Variants in ARHGAP39 observed in about 807,000 individuals in gnomAD.
ARHGAP39 encodes Rho GTPase activating protein 39, also known as rho GTPase-activating protein 39.
ARHGAP39 carries 44 observed loss-of-function variants against 106.9 expected under a neutral mutation model. The observed-to-expected ratio is 0.41, with a 90% CI of 0.32 to 0.53. ARHGAP39 has a LOEUF of 0.53. Among genes scored for constraint, ARHGAP39 ranks in the 20% least tolerant of loss-of-function variants. The pLI, the probability that ARHGAP39 is intolerant of heterozygous loss-of-function variation, is 0.21. For synonymous variants in ARHGAP39, 768 were observed against 693.2 expected (o/e 1.11, Z -1.69); for missense variants, 1,496 against 1,577.3 (o/e 0.95, Z 0.87).
Position 144,547,546 on chromosome 8 carries a change from C to CA in ARHGAP39, c.1539_1540insT (p.Gly514TrpfsTer29). 6.8e-7 allele frequency: 1 copy of CA among 1,474,902 alleles called. No individual in the cohort carries two copies. Among genetic ancestry groups the CA allele is most frequent in the Non-Finnish European group, 9.0e-7 (1 of 1,116,264 alleles). The allele number at this position is 1,474,902 out of a possible 1,614,324, so 91.4% of individuals were successfully genotyped here. ...AGGGGCTGCTCCACAAGCAGGTCCCCGGGGCCCTCAGTGGGGGTGGCGCTG... is the reference window on the plus strand; with the variant it reads ...AGGGGCTGCTCCACAAGCAGGTCCCCAGGGGCCCTCAGTGGGGGTGGCGCTG... On this transcript the variant is annotated frameshift_variant, in exon 5 of 12. Transcript: ENST00000377307. LOFTEE classifies it high-confidence loss of function. This position sits in a 1 kb window ranked among gnomAD's most constrained non-coding sequence, Gnocchi z 5.2.
At chr8:144,630,973 T>A (rs1291969511) in intron 1 of ARHGAP39, among the ~76,000 whole-genome samples, 2 of 152,288 alleles carry the variant, frequency 1.3e-5, no homozygotes, top group Non-Finnish European at 2.9e-5. Context: ...ACAGGTAGCA[T>A]GGCACCAACA....
chr8:144,669,100 G>A (rs1387512977), intron 1 of ARHGAP39, among the ~76,000 whole-genome samples: 1 of 150,932 alleles, frequency 6.6e-6, no homozygotes, highest in Non-Finnish European at 1.5e-5. Context: ...ATGGTGCCAA[G>A]CAACTGTGTT....
Position 144,585,682 on chromosome 8 carries a change from C to T in ARHGAP39, c.81-4405G>A, listed in dbSNP as rs890542273. Among the ~76,000 whole-genome samples, 3 of 152,208 alleles carry T rather than the reference C, an allele frequency of 2.0e-5. No homozygotes were observed. Among genetic ancestry groups the T allele is most frequent in the Non-Finnish European group, 2.9e-5 (2 of 68,024 alleles). On this transcript the variant is annotated intron_variant, in intron 2 of 11. Transcript: ENST00000377307. This position sits in a 1 kb window ranked among gnomAD's most constrained non-coding sequence, Gnocchi z 4.6. The stretch of plus-strand genomic sequence containing the variant: ...GCTTGGCGGGGCCAGGACCTCCCGC[C>T]CATGGTGCCACGCGCTGCAGCCTGG...
chr8:144,600,253 C>T (rs117601306), intron 2 of ARHGAP39, among the ~76,000 whole-genome samples: 3,961 of 141,580 alleles, frequency 0.028, 93 homozygotes, highest in Admixed American at 0.071. Flanking sequence ...CCTGCGTGTG[C>T]GTGTGCGTGG....
the ARHGAP39 span, among the ~76,000 whole-genome samples, chr8:144,699,756 A>C: frequency 6.6e-6 from 1 of 151,944 alleles, no homozygotes; most frequent in African/African-American, 2.4e-5. Context: ...TTGGGTAGGA[A>C]AGCGGGCTTC....
At position 144,644,728 on chromosome 8, in the gene ARHGAP39, T is replaced by C. The variant is rs1821400664; in HGVS notation, c.-81-39033A>G. The stretch of plus-strand genomic sequence containing the variant: ...ATCAACCCAGGCCAAACCACGTCCC[T>C]GTCCGTGACTTCGCACCTGGCCTTT... On this transcript the variant is annotated intron_variant, in intron 1 of 11. Coordinates refer to ENST00000377307, the MANE Select transcript of ARHGAP39 (RefSeq NM_025251.3). The surrounding 1 kb of genome is among the most constrained non-coding windows in gnomAD (Gnocchi z 4.8). Among the ~76,000 whole-genome samples, 1 of 152,214 alleles carries C rather than the reference T, an allele frequency of 6.6e-6. No homozygotes were observed. Among genetic ancestry groups the C allele is most frequent in the East Asian group, 1.9e-4 (1 of 5,186 alleles).
At chr8:144,582,883 G>A (rs573480893) in intron 2 of ARHGAP39, among the ~76,000 whole-genome samples, 24 of 152,334 alleles carry the variant, frequency 1.6e-4, no homozygotes, top group Admixed American at 7.8e-4. Context: ...GGGAAGGCGA[G>A]GTGGTGGGGG....
Position 144,580,859 on chromosome 8 carries a change from C to T in ARHGAP39, c.499G>A (p.Glu167Lys). Residue 167 changes from glutamate to lysine, a missense_variant, in exon 3 of 12, where the codon GAG (glutamate) becomes AAG (lysine). This residue lies in a region of ARHGAP39 where 905 missense variants were observed against 816.4 expected (regional missense o/e 1.11). Coordinates refer to ENST00000377307, the MANE Select transcript of ARHGAP39 (RefSeq NM_025251.3). ...CCCCGCCCTCACCTGCCGCTGTCCT[C>T]CTTCACTGTCCCAAACGCCGCGGGC... ...GRPAAFGTVK[E>K]DSGSSSPPGV... The T allele has an allele frequency of 6.4e-7, 1 of 1,567,208 alleles. No homozygotes were observed. Among genetic ancestry groups the T allele is most frequent in the Non-Finnish European group, 8.6e-7 (1 of 1,163,628 alleles).
chr8:144,610,786 CAA>C (rs1174692888), intron 1 of ARHGAP39, among the ~76,000 whole-genome samples: 3 of 151,890 alleles, frequency 2.0e-5, no homozygotes, highest in Non-Finnish European at 4.4e-5. Flanking sequence ...TGATATCCGA[CAA>C]GTTTTGATAT....
rs1254097369 is a variant in ARHGAP39 at position 144,641,240 on chromosome 8, G to C, written c.-81-35545C>G. Among the ~76,000 whole-genome samples the C allele has an allele frequency of 1.3e-5, 2 of 152,116 alleles. No individual in the cohort carries two copies. The highest frequency in any genetic ancestry group is 2.4e-5 in the African/African-American group (1 of 41,496). On this transcript the variant is annotated intron_variant, in intron 1 of 11. Coordinates refer to ENST00000377307, the MANE Select transcript of ARHGAP39 (RefSeq NM_025251.3). This position sits in a 1 kb window ranked among gnomAD's most constrained non-coding sequence, Gnocchi z 5.2. ...ATGACATCTGGGACCCTGGGGCACC[G>C]GTCTCTGGCCCTCAAGGCACCAGAG...
At chr8:144,630,643 A>C (rs550525827) in intron 1 of ARHGAP39, among the ~76,000 whole-genome samples, 1 of 152,346 alleles carries the variant, frequency 6.6e-6, no homozygotes, top group African/African-American at 2.4e-5. Flanking sequence ...TGCAGATGCT[A>C]GACCCAGAAC....
chr8:144,550,363 G>A (rs1238128310), intron 4 of ARHGAP39, among the ~76,000 whole-genome samples: 1 of 152,244 alleles, frequency 6.6e-6, no homozygotes, highest in Non-Finnish European at 1.5e-5. Context: ...ACTTGGGGAG[G>A]CTGAGGTGGG....
chr8:144,605,444 T>C (rs141966296), intron 2 of ARHGAP39, 91 bp downstream of exon 2: 2 of 1,351,968 alleles, frequency 1.5e-6, no homozygotes, highest in Non-Finnish European at 2.1e-6. Flanking sequence ...CCACGGAGAA[T>C]CCTGCATGCA....
rs750612653 is a variant in ARHGAP39, at chr8:144,581,258, T to C, written c.100A>G (p.Ile34Val). The change falls in exon 3 of 12, where the codon ATC becomes GTC. Residue 34 changes from isoleucine to valine, a missense_variant. This residue lies in a region of ARHGAP39 where 96 missense variants were observed against 107.9 expected (regional missense o/e 0.89). Transcript: ENST00000377307. ...ATGCGCTCGCGGGTGCGCGGTTCGA[T>C]GATCTCCACCCACTCCAACCTGGGG... is the stretch of plus-strand genomic sequence containing the variant. Reference protein sequence around the residue: ...SNTRLEWVEIIEPRTRERMYA... With the variant: ...SNTRLEWVEIVEPRTRERMYA... 7 of 1,550,990 alleles carry C rather than the reference T, an allele frequency of 4.5e-6. No homozygotes were observed. The South Asian group carries it at 8.3e-5, about 18-fold the overall frequency.
At chr8:144,618,583 C>T (rs1464099490) in intron 1 of ARHGAP39, among the ~76,000 whole-genome samples, 2 of 152,232 alleles carry the variant, frequency 1.3e-5, no homozygotes, top group African/African-American at 4.8e-5. Flanking sequence ...GGCAGAGCCC[C>T]GAGGACGCGC....
At chr8:144,618,112 TTTAATTTTTA>T (rs1820686590) in intron 1 of ARHGAP39, among the ~76,000 whole-genome samples, 1 of 152,214 alleles carries the variant, frequency 6.6e-6, no homozygotes, top group Admixed American at 6.5e-5. Context: ...AATAGAATAT[TTTAATTTTTA>T]TTAGGTGGTT....
At chr8:144,605,460 C>CT (rs1173651019) in intron 2 of ARHGAP39, 75 bp downstream of exon 2, 11 of 1,480,352 alleles carry the variant, frequency 7.4e-6, no homozygotes, top group Non-Finnish European at 1.0e-5. Context: ...ATGCACACTG[C>CT]TTTCTCTGCA....
chr8:144,604,225 C>T lies in ARHGAP39; in HGVS notation c.80+1310G>A, dbSNP rs1046721384. 3.9e-5 allele frequency among the ~76,000 whole-genome samples: 6 copies of T among 152,096 alleles called. No homozygotes were observed. Among genetic ancestry groups the T allele is most frequent in the Admixed American group, 6.6e-5 (1 of 15,266 alleles). On this transcript the variant is annotated intron_variant, in intron 2 of 11. Coordinates refer to ENST00000377307, the MANE Select transcript of ARHGAP39 (RefSeq NM_025251.3). The surrounding 1 kb of genome is among the most constrained non-coding windows in gnomAD (Gnocchi z 4.1). ...GCAGCTGCACCTCGGGGGGTGCGGG[C>T]GAGGCCTCTGTCGGGGTCAGAGGTC... is the stretch of plus-strand genomic sequence containing the variant.
intron 2 of ARHGAP39, among the ~76,000 whole-genome samples, chr8:144,600,992 G>A (rs1340439677): frequency 1.4e-5 from 2 of 141,958 alleles, no homozygotes; most frequent in South Asian, 2.3e-4. Flanking sequence ...GTGTGTGCGA[G>A]CTCATGTACC....
Sources: gnomAD v4.1 joint callset for allele counts (sites outside exome capture counted in the v4.1 genomes callset) on GRCh38, gnomAD v4.1.1 for gene constraint, gnomAD v4.1.1 regional missense constraint, Gnocchi (gnomAD v3.1) non-coding constraint, MANE v1.5 for transcripts, NCBI Gene and HGNC (gene_info 2026-07-23, HGNC 2026-07-21) for gene names.